The following NOVA1 variants were observed in gnomAD, a reference collection of about 807,000 sequenced individuals.
The protein encoded by NOVA1 is NOVA alternative splicing regulator 1.
NOVA1 carries 7 observed loss-of-function variants against 38.0 expected under a neutral mutation model. The observed-to-expected ratio is 0.18, with a 90% CI of 0.10 to 0.35. The LOEUF is 0.35. Among genes scored for constraint, NOVA1 ranks in the 10% least tolerant of loss-of-function variants. NOVA1 has a pLI of 1.00. For synonymous variants in NOVA1, 270 were observed against 232.5 expected (o/e 1.16, Z -1.47); for missense variants, 460 against 616.0 (o/e 0.75, Z 2.68).
intron 2 of NOVA1, among the ~76,000 whole-genome samples, chr14:26,480,632 A>G (rs1885384074): frequency 6.6e-6 from 1 of 152,072 alleles, no homozygotes; most frequent in Non-Finnish European, 1.5e-5. Context: ...TCTTCCTTTA[A>G]TCATAGCAAC....
intron 4 of NOVA1, among the ~76,000 whole-genome samples, chr14:26,450,156 T>C (rs1882535926): frequency 6.6e-6 from 1 of 152,092 alleles, no homozygotes; most frequent in East Asian, 1.9e-4. Context: ...AGTGCTAAAA[T>C]TTGAGCAGGA....
At chr14:26,527,909 C>A (rs1264437747) in intron 2 of NOVA1, among the ~76,000 whole-genome samples, 3 of 152,034 alleles carry the variant, frequency 2.0e-5, no homozygotes, top group Admixed American at 6.5e-5. Flanking sequence ...GCAAGAGGTA[C>A]AATGAAAGAC....
chr14:26,543,472 A>G (rs1039334306), intron 2 of NOVA1, among the ~76,000 whole-genome samples: 5 of 151,994 alleles, frequency 3.3e-5, no homozygotes, highest in African/African-American at 1.2e-4. Flanking sequence ...AGACACATCT[A>G]TAAGTAATAT....
chr14:26,497,231 C>T (rs1032494645), intron 2 of NOVA1, among the ~76,000 whole-genome samples: 2 of 152,078 alleles, frequency 1.3e-5, no homozygotes, highest in Non-Finnish European at 2.9e-5. Flanking sequence ...TAGGAATCCA[C>T]CTTACAAGGG....
Position 26,464,710 on chromosome 14 carries a change from C to T in NOVA1, c.519+7610G>A, listed in dbSNP as rs112412284. Among the ~76,000 whole-genome samples, 207 of 151,936 alleles carry T rather than the reference C, an allele frequency of 1.4e-3. 1 individual carries two copies. Among genetic ancestry groups the T allele is most frequent in the African/African-American group, 4.5e-3 (188 of 41,428 alleles). ...CTATATGAATATTAAAATCATTTTA[C>T]CTCAGAAACCAGAAAAATGGGAATA... On this transcript the variant is annotated intron_variant, in intron 4 of 4. Coordinates refer to ENST00000539517, the MANE Select transcript of NOVA1 (RefSeq NM_002515.3).
chr14:26,589,662 C>T (rs1045303656), intron 2 of NOVA1, among the ~76,000 whole-genome samples: 1 of 151,654 alleles, frequency 6.6e-6, no homozygotes, highest in Admixed American at 6.6e-5. Context: ...CCAAGTACTT[C>T]CACTTATTTC....
At chr14:26,488,025 G>C (rs1302578319) in intron 2 of NOVA1, among the ~76,000 whole-genome samples, 1 of 152,046 alleles carries the variant, frequency 6.6e-6, no homozygotes, top group East Asian at 1.9e-4. Flanking sequence ...TTACTGAGGA[G>C]AAAATACACT....
At chr14:26,551,700 C>T (rs1021736144) in intron 2 of NOVA1, among the ~76,000 whole-genome samples, 1 of 151,876 alleles carries the variant, frequency 6.6e-6, no homozygotes, top group African/African-American at 2.4e-5. Context: ...ATTTATATAA[C>T]AGTATACAAA....
intron 2 of NOVA1, among the ~76,000 whole-genome samples, chr14:26,525,569 C>A (rs1889236451): frequency 6.6e-6 from 1 of 152,096 alleles, no homozygotes; most frequent in African/African-American, 2.4e-5. Flanking sequence ...AGAAAGAAAT[C>A]ATATTCACCC....
At chr14:26,539,257 G>A (rs1221310512) in intron 2 of NOVA1, among the ~76,000 whole-genome samples, 1 of 152,076 alleles carries the variant, frequency 6.6e-6, no homozygotes, top group Non-Finnish European at 1.5e-5. Context: ...ATGAATGAAT[G>A]ATGAATAAGA....
chr14:26,447,208 T>C lies in NOVA1; in HGVS notation c.*751A>G, dbSNP rs1354567064. The C allele has an allele frequency of 6.6e-6, 1 of 152,632 alleles. No individual in the cohort carries two copies. Among genetic ancestry groups the C allele is most frequent in the African/African-American group, 2.4e-5 (1 of 41,450 alleles). The allele number at this position is 152,632 out of a possible 1,614,324, so 9.5% of individuals were successfully genotyped here. A position where few individuals can be genotyped will look rare whatever the true frequency, so the allele number is the denominator to read the frequency against. On this transcript the variant is annotated 3_prime_UTR_variant, in exon 5 of 5. Transcript: ENST00000539517. ...CTGTTCTACTGGCCAGGCGATGGGA[T>C]CAGTAGTGAATTCAGTGCTTAAAAA...
At chr14:26,493,024 G>A (rs1886469909) in intron 2 of NOVA1, among the ~76,000 whole-genome samples, 1 of 152,096 alleles carries the variant, frequency 6.6e-6, no homozygotes, top group Non-Finnish European at 1.5e-5. Context: ...TGGGTATGAA[G>A]GCAAAGCTCA....
intron 4 of NOVA1, among the ~76,000 whole-genome samples, chr14:26,466,067 G>C (rs1198687181): frequency 1.3e-5 from 2 of 152,106 alleles, no homozygotes; most frequent in Non-Finnish European, 2.9e-5. Flanking sequence ...AGAAAGCGAT[G>C]AAGATGTTAG....
chr14:26,511,819 T>A lies in NOVA1; in HGVS notation c.281-31676A>T, dbSNP rs189025821. The stretch of plus-strand genomic sequence containing the variant: ...GTTGGGTAGGCAGGGAGACGAAGAG[T>A]GGGAGGGAGAGAGGAAATTGAGATT... On this transcript the variant is annotated intron_variant, in intron 2 of 4. Coordinates refer to ENST00000539517, the MANE Select transcript of NOVA1 (RefSeq NM_002515.3). Among the ~76,000 whole-genome samples the A allele has an allele frequency of 2.0e-5, 3 of 149,970 alleles. No individual in the cohort carries two copies. The East Asian group carries it at 5.9e-4, about 30-fold the overall frequency.
intron 2 of NOVA1, among the ~76,000 whole-genome samples, chr14:26,531,489 C>T (rs141815805): frequency 2.0e-3 from 300 of 152,260 alleles, no homozygotes; most frequent in Non-Finnish European, 2.9e-3. Context: ...TGCCTGTAAT[C>T]CCAGCTACTC....
rs903343689 is a variant in NOVA1, at chr14:26,492,287, A to C, written c.281-12144T>G. On this transcript the variant is annotated intron_variant, in intron 2 of 4. Transcript: ENST00000539517. ...TGATTCTCTGGAGTTTTGTATATACAGGAAGATGTCATCCGCAAATAGAGA... is the reference window on the plus strand; with the variant it reads ...TGATTCTCTGGAGTTTTGTATATACCGGAAGATGTCATCCGCAAATAGAGA... Among the ~76,000 whole-genome samples the C allele has an allele frequency of 4.6e-5, 7 of 152,230 alleles. No individual in the cohort carries two copies. The South Asian group carries it at 8.3e-4, about 18-fold the overall frequency.
intron 2 of NOVA1, among the ~76,000 whole-genome samples, chr14:26,514,036 G>T (rs1888284121): frequency 6.6e-6 from 1 of 151,660 alleles, no homozygotes; most frequent in South Asian, 2.1e-4. Context: ...AATGTTAAAA[G>T]ATATCTCTAA....
chr14:26,455,991 T>G (rs924907358), intron 4 of NOVA1, among the ~76,000 whole-genome samples: 1 of 151,998 alleles, frequency 6.6e-6, no homozygotes, highest in South Asian at 2.1e-4. Context: ...GCCTTCATCA[T>G]CCATGTGTCA....
chr14:26,487,081 T>C (rs1885975523), intron 2 of NOVA1, among the ~76,000 whole-genome samples: 1 of 152,152 alleles, frequency 6.6e-6, no homozygotes, highest in African/African-American at 2.4e-5. Context: ...TATAATTACA[T>C]AAGCAAAAGT....
Sources: gnomAD v4.1 joint callset for allele counts (sites outside exome capture counted in the v4.1 genomes callset) on GRCh38, gnomAD v4.1.1 for gene constraint, MANE v1.5 for transcripts, NCBI Gene and HGNC (gene_info 2026-07-23, HGNC 2026-07-21) for gene names.